CEP112: variants seen among roughly 807,000 people sequenced by gnomAD.
CEP112 encodes the protein centrosomal protein of 112 kDa.
CEP112 carries 127 observed loss-of-function variants against 153.0 expected under a neutral mutation model. The ratio of observed to expected loss-of-function variants is 0.83; its 90% CI spans 0.72 to 0.96. The LOEUF is 0.96. CEP112 is among the 40% of genes least tolerant of loss of function. The probability of loss-of-function intolerance (pLI) is 0.00; values close to 1 mark genes in which losing one functional copy is unlikely to be tolerated. For synonymous variants in CEP112, 358 were observed against 374.4 expected (o/e 0.96, Z 0.51); for missense variants, 1,089 against 1,101.2 (o/e 0.99, Z 0.16).
intron 20 of CEP112, among the ~76,000 whole-genome samples, chr17:65,860,368 G>A (rs1318080787): frequency 2.0e-5 from 3 of 149,222 alleles, no homozygotes; most frequent in Non-Finnish European, 3.0e-5. Context: ...GATTAATCTA[G>A]AGTGTAAGTC....
At chr17:65,878,516 C>T (rs979453235) in intron 20 of CEP112, among the ~76,000 whole-genome samples, 4 of 152,010 alleles carry the variant, frequency 2.6e-5, no homozygotes, top group African/African-American at 7.3e-5. Flanking sequence ...ATGGGACAGG[C>T]GTGTTTGGGG....
In CEP112 at chr17:66,175,034, CT is replaced by C; in HGVS notation, c.470+9del. On this transcript the variant is annotated intron_variant, in intron 4 of 26. Transcript: ENST00000535342. The stretch of plus-strand genomic sequence containing the variant: ...TGAAACACATTCAAAATCCCATTCT[CT>C]TTACATACCTGTAGACATCAGTTGG... 1 of 1,525,722 alleles carries C rather than the reference CT, an allele frequency of 6.6e-7. No individual in the cohort carries two copies. Among genetic ancestry groups the C allele is most frequent in the Non-Finnish European group, 8.8e-7 (1 of 1,132,544 alleles). The allele number at this position is 1,525,722 out of a possible 1,614,324, so 94.5% of individuals were successfully genotyped here.
At position 65,843,567 on chromosome 17, in the gene CEP112, G is replaced by A. The variant is rs190770697; in HGVS notation, c.2394+8237C>T. On this transcript the variant is annotated intron_variant, in intron 21 of 26. Transcript: ENST00000535342. ...AATCCTTTAATTATAAATTTTAAAGGTTTAAGTAGTTTCTATGACCTTAAC... is the reference window on the plus strand; with the variant it reads ...AATCCTTTAATTATAAATTTTAAAGATTTAAGTAGTTTCTATGACCTTAAC... Among the ~76,000 whole-genome samples the A allele has an allele frequency of 1.8e-3, 273 of 152,220 alleles. 5 individuals carry two copies. Among genetic ancestry groups the A allele is most frequent in the African/African-American group, 6.0e-3 (250 of 41,546 alleles).
chr17:65,801,660 A>T (rs951251680), intron 21 of CEP112, among the ~76,000 whole-genome samples: 1 of 152,194 alleles, frequency 6.6e-6, no homozygotes, highest in Admixed American at 6.5e-5. Flanking sequence ...CTTGGTTAAC[A>T]GTGTTTTTCT....
intron 24 of CEP112, among the ~76,000 whole-genome samples, chr17:65,683,332 T>G (rs1266434318): frequency 6.6e-6 from 1 of 152,206 alleles, no homozygotes; most frequent in Non-Finnish European, 1.5e-5. Flanking sequence ...TTAAAATAAT[T>G]TATGAGTCAC....
At chr17:66,028,261 C>G (rs2065306630) in intron 15 of CEP112, 52 bp downstream of exon 15, 2 of 1,132,094 alleles carry the variant, frequency 1.8e-6, no homozygotes, top group African/African-American at 1.6e-5. Context: ...ACATCTGAAT[C>G]AAGAAAACTG....
At chr17:66,051,797 T>C (rs2145919480) in intron 12 of CEP112, among the ~76,000 whole-genome samples, 1 of 152,360 alleles carries the variant, frequency 6.6e-6, no homozygotes, top group South Asian at 2.1e-4. Flanking sequence ...AGTTCATGCC[T>C]GGGATACAAC....
intron 8 of CEP112, among the ~76,000 whole-genome samples, chr17:66,074,593 GGT>G (rs1353656943): frequency 6.6e-6 from 1 of 152,062 alleles, no homozygotes; most frequent in African/African-American, 2.4e-5. Flanking sequence ...GGCTGGGCAT[GGT>G]GGCTCACACC....
chr17:65,793,031 A>G (rs1366851824), intron 21 of CEP112, among the ~76,000 whole-genome samples: 1 of 151,976 alleles, frequency 6.6e-6, no homozygotes. Flanking sequence ...TGTCTACAGA[A>G]AGCTTACCCT....
intron 6 of CEP112, among the ~76,000 whole-genome samples, chr17:66,127,093 T>G (rs1212720646): frequency 6.6e-6 from 1 of 152,250 alleles, no homozygotes; most frequent in East Asian, 1.9e-4. Context: ...ACTGTAAGTG[T>G]ATTCTTTGAA....
intron 24 of CEP112, among the ~76,000 whole-genome samples, chr17:65,660,389 C>T (rs375968079): frequency 5.6e-4 from 56 of 99,324 alleles, no homozygotes; most frequent in East Asian, 4.4e-3. Context: ...CTTCCTTCCT[C>T]CCTCCCTCCC....
chr17:65,797,723 C>A (rs2055020548), intron 21 of CEP112, among the ~76,000 whole-genome samples: 1 of 152,194 alleles, frequency 6.6e-6, no homozygotes, highest in African/African-American at 2.4e-5. Flanking sequence ...CATTGACTTT[C>A]TTCATTGAAT....
intron 21 of CEP112, among the ~76,000 whole-genome samples, chr17:65,834,725 G>A (rs1292057665): frequency 2.6e-5 from 4 of 152,170 alleles, no homozygotes; most frequent in Non-Finnish European, 5.9e-5. Flanking sequence ...TGGAGAAAAT[G>A]GAACACTTAT....
At chr17:65,691,878 A>C (rs1311918978) in intron 23 of CEP112, among the ~76,000 whole-genome samples, 1 of 152,080 alleles carries the variant, frequency 6.6e-6, no homozygotes, top group Non-Finnish European at 1.5e-5. Flanking sequence ...GAACTTCTTA[A>C]ACTTAAATCT....
intron 20 of CEP112, among the ~76,000 whole-genome samples, chr17:65,855,485 C>T (rs922575437): frequency 3.3e-5 from 5 of 152,138 alleles, no homozygotes; most frequent in Non-Finnish European, 5.9e-5. Context: ...TCCCGACCAG[C>T]AGGTTTTCCT....
intron 24 of CEP112, among the ~76,000 whole-genome samples, chr17:65,645,609 A>G (rs375281428): frequency 5.9e-5 from 9 of 151,704 alleles, no homozygotes; most frequent in South Asian, 2.1e-4. Flanking sequence ...TCTTTTTTCT[A>G]TTTCTCTATC....
At chr17:65,937,662 G>C in intron 18 of CEP112, among the ~76,000 whole-genome samples, 1 of 97,734 alleles carries the variant, frequency 1.0e-5, no homozygotes, top group Non-Finnish European at 2.1e-5. Context: ...TCCGGGAGGT[G>C]AGGGGCGCCT....
chr17:65,698,760 G>A (rs969785021), intron 23 of CEP112, among the ~76,000 whole-genome samples: 16 of 152,136 alleles, frequency 1.1e-4, no homozygotes, highest in Admixed American at 2.0e-4. Flanking sequence ...ACCACAGCTA[G>A]GATTTTGCAA....
At chr17:65,969,500 C>T (rs1428618916) in intron 17 of CEP112, among the ~76,000 whole-genome samples, 4 of 152,098 alleles carry the variant, frequency 2.6e-5, no homozygotes, top group Non-Finnish European at 5.9e-5. Flanking sequence ...CACAGGTATA[C>T]TGTATTTGCA....
Sources: allele counts gnomAD v4.1 joint callset (sites outside exome capture counted in the v4.1 genomes callset), GRCh38; gene constraint gnomAD v4.1.1; transcripts MANE v1.5; gene names NCBI Gene and HGNC (gene_info 2026-07-23, HGNC 2026-07-21).